DIAPH2: variants seen among roughly 807,000 people sequenced by gnomAD.
The protein encoded by DIAPH2 is diaphanous related formin 2.
DIAPH2 carries 35 observed loss-of-function variants against 92.7 expected under a neutral mutation model. The observed-to-expected ratio is 0.38, with a 90% CI of 0.29 to 0.50. The LOEUF (loss-of-function observed/expected upper bound fraction) is 0.50. Among genes scored for constraint, DIAPH2 ranks in the 20% least tolerant of loss-of-function variants. DIAPH2 has a pLI of 0.94. For missense variants in DIAPH2, 701 were observed against 819.5 expected, an observed-to-expected ratio of 0.86 and a Z score of 1.77; for synonymous variants, 301 against 280.4, an observed-to-expected ratio of 1.07 and a Z score of -0.73.
intron 26 of DIAPH2, among the ~76,000 whole-genome samples, chrX:97,522,535 G>T (rs983519567): frequency 4.4e-5 from 5 of 112,396 alleles, no homozygotes; most frequent in African/African-American, 1.6e-4. Context: ...GAACTATGAG[G>T]TTCATAATTT....
intron 10 of DIAPH2, among the ~76,000 whole-genome samples, chrX:96,934,135 A>G (rs2065641325): frequency 9.0e-6 from 1 of 111,454 alleles, no homozygotes; most frequent in Admixed American, 9.6e-5. Context: ...ACAACTTGGG[A>G]GCAGGACAGA....
At chrX:97,490,957 T>C (rs1005241095) in intron 26 of DIAPH2, among the ~76,000 whole-genome samples, 15 of 110,624 alleles carry the variant, frequency 1.4e-4, no homozygotes, top group Admixed American at 9.6e-4. Context: ...TGTTTCCTTA[T>C]TGATTTTTTT....
At chrX:96,896,778 G>T (rs1342036678) in intron 5 of DIAPH2, among the ~76,000 whole-genome samples, 1 of 111,892 alleles carries the variant, frequency 8.9e-6, no homozygotes, top group Non-Finnish European at 1.9e-5. Context: ...AGAGTTTTCT[G>T]AAAATAGGTA....
intron 17 of DIAPH2, among the ~76,000 whole-genome samples, chrX:97,013,183 G>A (rs945317459): frequency 6.2e-5 from 7 of 112,115 alleles, no homozygotes; most frequent in African/African-American, 1.9e-4. Flanking sequence ...GAGGTATGGC[G>A]TGTTCACTGA....
chrX:97,028,540 A>G (rs988547696), intron 17 of DIAPH2, among the ~76,000 whole-genome samples: 1 of 112,300 alleles, frequency 8.9e-6, no homozygotes, highest in African/African-American at 3.2e-5. Flanking sequence ...CATTTCATAT[A>G]AATGGAATTA....
At chrX:96,832,563 C>CA (rs2064862036) in intron 4 of DIAPH2, among the ~76,000 whole-genome samples, 1 of 111,051 alleles carries the variant, frequency 9.0e-6, no homozygotes, top group African/African-American at 3.3e-5. Flanking sequence ...TTTCTAGTAA[C>CA]AAAGTTTCCT....
chrX:97,139,455 T>TA (rs1327517225), intron 21 of DIAPH2, among the ~76,000 whole-genome samples: 112 of 104,986 alleles, frequency 1.1e-3, no homozygotes, highest in African/African-American at 2.6e-3. Flanking sequence ...TTTTTTTTTT[T>TA]AAAAAAAAAC....
intron 4 of DIAPH2, among the ~76,000 whole-genome samples, chrX:96,872,895 A>C: frequency 8.9e-6 from 1 of 112,023 alleles, no homozygotes; most frequent in Non-Finnish European, 1.9e-5. Flanking sequence ...ATGGGAGTGC[A>C]GATATCTCTT....
intron 17 of DIAPH2, among the ~76,000 whole-genome samples, chrX:97,062,998 C>G (rs958169675): frequency 2.0e-5 from 2 of 101,910 alleles, no homozygotes; most frequent in African/African-American, 7.1e-5. Context: ...CATGCCACTC[C>G]TCTCCAGCCT....
intron 17 of DIAPH2, among the ~76,000 whole-genome samples, chrX:97,001,297 C>T (rs765157351): frequency 6.3e-5 from 7 of 111,900 alleles, no homozygotes; most frequent in Non-Finnish European, 9.4e-5. Flanking sequence ...AATTAACTTA[C>T]ATAATACAAA....
chrX:96,971,706 G>A (rs781681377), intron 17 of DIAPH2, among the ~76,000 whole-genome samples: 1 of 110,673 alleles, frequency 9.0e-6, no homozygotes, highest in Non-Finnish European at 1.9e-5. Flanking sequence ...TCTCTTTCAC[G>A]CTACTATGAC....
chrX:97,560,960 T>A (rs1413283946), intron 26 of DIAPH2, among the ~76,000 whole-genome samples: 1 of 112,504 alleles, frequency 8.9e-6, no homozygotes, highest in Non-Finnish European at 1.9e-5. Flanking sequence ...TGAATGTAGA[T>A]GGCTAATTTT....
intron 22 of DIAPH2, among the ~76,000 whole-genome samples, chrX:97,143,224 T>C (rs780957196): frequency 1.3e-4 from 14 of 111,362 alleles, no homozygotes; most frequent in Non-Finnish European, 2.6e-4. Context: ...ACTAGAAGCA[T>C]ATTTACTAAC....
At chrX:97,504,333 G>T (rs2070818380) in intron 26 of DIAPH2, among the ~76,000 whole-genome samples, 1 of 111,766 alleles carries the variant, frequency 8.9e-6, no homozygotes, top group African/African-American at 3.3e-5. Context: ...GATTTTTCTT[G>T]CTCTTTTTCT....
At chrX:97,539,993 A>C (rs776491992) in intron 26 of DIAPH2, among the ~76,000 whole-genome samples, 2 of 112,021 alleles carry the variant, frequency 1.8e-5, no homozygotes, top group South Asian at 7.4e-4. Context: ...AAGTGAAGGA[A>C]ATGAGCAAAG....
chrX:96,962,496 C>CATATATAT (rs761811314), intron 16 of DIAPH2, among the ~76,000 whole-genome samples: 1 of 44,763 alleles, frequency 2.2e-5, no homozygotes, highest in African/African-American at 8.9e-5. Flanking sequence ...CACACACACA[C>CATATATAT]ATATATATAT....
chrX:97,220,834 C>T (rs925654056), intron 22 of DIAPH2, among the ~76,000 whole-genome samples: 2 of 111,589 alleles, frequency 1.8e-5, no homozygotes, highest in East Asian at 2.8e-4. Context: ...AAAATATATT[C>T]GTGTGTGTTT....
chrX:97,182,843 T>TGAACATATG (rs2067550854), intron 22 of DIAPH2, among the ~76,000 whole-genome samples: 1 of 111,089 alleles, frequency 9.0e-6, no homozygotes, highest in African/African-American at 3.3e-5. Flanking sequence ...AATAGGGAGA[T>TGAACATATG]GAACATATGG....
At position 96,960,917 on chromosome X, in the gene DIAPH2, T is replaced by C. The variant is rs1231654835; in HGVS notation, c.1935+2769T>C. 4.5e-5 allele frequency among the ~76,000 whole-genome samples: 5 copies of C among 112,175 alleles called. No individual in the cohort carries two copies. The Admixed American group carries it at 4.7e-4, about 11-fold the overall frequency. Reference sequence around the variant, plus strand: ...TATCACGTTTATTGAATGGCATATGTTAAACAATCCTGGCATTCATGGGGT... The same window carrying C: ...TATCACGTTTATTGAATGGCATATGCTAAACAATCCTGGCATTCATGGGGT... On this transcript the variant is annotated intron_variant, in intron 16 of 26. Transcript: ENST00000324765.
Sources: gnomAD v4.1 joint callset for allele counts (sites outside exome capture counted in the v4.1 genomes callset) on GRCh38, gnomAD v4.1.1 for gene constraint, MANE v1.5 for transcripts, NCBI Gene and HGNC (gene_info 2026-07-23, HGNC 2026-07-21) for gene names.